Variants in PCDH11X observed in about 807,000 individuals in gnomAD.
PCDH11X encodes the protein protocadherin-11 X-linked.
Under a neutral mutation model 53.3 loss-of-function variants are expected in PCDH11X, and 18 were observed. The observed-to-expected ratio is 0.34, with a 90% CI of 0.23 to 0.50. The LOEUF (loss-of-function observed/expected upper bound fraction) is 0.50. PCDH11X is among the 20% of genes least tolerant of loss of function. PCDH11X has a pLI of 0.98. For missense variants in PCDH11X, 570 were observed against 1,032.4 expected (o/e 0.55, Z 6.14); for synonymous variants, 279 against 393.3 (o/e 0.71, Z 3.44).
chrX:91,869,904 G>A (rs1186828390), intron 5 of PCDH11X, among the ~76,000 whole-genome samples: 1 of 111,737 alleles, frequency 8.9e-6, no homozygotes, highest in Non-Finnish European at 1.9e-5. Context: ...GTGAGCACAA[G>A]CAAATGAAAC....
intron 8 of PCDH11X, among the ~76,000 whole-genome samples, chrX:92,332,772 G>C (rs1447415863): frequency 9.0e-6 from 1 of 111,664 alleles, no homozygotes; most frequent in Non-Finnish European, 1.9e-5. Context: ...GCAGTGCAGG[G>C]AACTGGTTGG....
At chrX:91,869,379 A>G (rs1306915865) in intron 5 of PCDH11X, among the ~76,000 whole-genome samples, 1 of 111,037 alleles carries the variant, frequency 9.0e-6, no homozygotes, top group Non-Finnish European at 1.9e-5. Context: ...TCATTGAACT[A>G]AAAACTAAGA....
In PCDH11X at chrX:92,216,856, G is replaced by A. The variant is rs1287249067; in HGVS notation, c.3114+15401G>A. On this transcript the variant is annotated intron_variant, in intron 7 of 10. Coordinates refer to ENST00000682573, the MANE Select transcript of PCDH11X (RefSeq NM_032968.5). ...CCATCAGACTAACAGCGGATCTCTC[G>A]GCAGAAACTCTACAAGCCAGAAGAG... 1.6e-4 allele frequency among the ~76,000 whole-genome samples: 17 copies of A among 105,346 alleles called. 1 individual carries two copies. Among genetic ancestry groups the A allele is most frequent in the South Asian group, 9.1e-4 (2 of 2,195 alleles). The allele number at this position is 105,346 out of a possible 115,157, so 91.5% of individuals were successfully genotyped here.
intron 4 of PCDH11X, among the ~76,000 whole-genome samples, chrX:91,824,959 T>A (rs188533977): frequency 9.2e-6 from 1 of 108,684 alleles, no homozygotes; most frequent in Non-Finnish European, 1.9e-5. Flanking sequence ...GTGCCCCTGC[T>A]GGGGGGTGCC....
At chrX:91,782,127 C>T (rs1220170856) in intron 1 of PCDH11X, among the ~76,000 whole-genome samples, 1 of 112,058 alleles carries the variant, frequency 8.9e-6, no homozygotes, top group Non-Finnish European at 1.9e-5. Flanking sequence ...GCTCCCTGCG[C>T]GCAGCCGCCC....
chrX:92,325,961 G>A (rs770058308), intron 8 of PCDH11X, among the ~76,000 whole-genome samples: 17 of 112,189 alleles, frequency 1.5e-4, no homozygotes, highest in African/African-American at 5.5e-4. Flanking sequence ...AACCTCTATA[G>A]CATGTTATCC....
intron 8 of PCDH11X, among the ~76,000 whole-genome samples, chrX:92,359,852 T>C (rs1013527819): frequency 2.8e-4 from 31 of 110,789 alleles, no homozygotes; most frequent in Non-Finnish European, 5.1e-4. Context: ...TAAGTGTCCC[T>C]TAAAACACAA....
At chrX:92,173,861 T>C (rs1207577751) in intron 6 of PCDH11X, among the ~76,000 whole-genome samples, 1 of 105,294 alleles carries the variant, frequency 9.5e-6, no homozygotes, top group African/African-American at 3.5e-5. Flanking sequence ...GGTGCACACC[T>C]GTAGTCCTAG....
At chrX:92,465,793 AT>A (rs202194491) in intron 9 of PCDH11X, among the ~76,000 whole-genome samples, 4 of 110,431 alleles carry the variant, frequency 3.6e-5, no homozygotes, top group African/African-American at 6.6e-5. Flanking sequence ...CAAAGAGGAG[AT>A]TTTTTTTCTT....
At chrX:91,890,334 A>G (rs1307077413) in intron 6 of PCDH11X, among the ~76,000 whole-genome samples, 1 of 111,488 alleles carries the variant, frequency 9.0e-6, no homozygotes, top group Non-Finnish European at 1.9e-5. Context: ...CCTCGTTTCT[A>G]AACTATAATC....
intron 10 of PCDH11X, among the ~76,000 whole-genome samples, chrX:92,607,582 C>G (rs1182288032): frequency 1.8e-5 from 2 of 111,540 alleles, no homozygotes; most frequent in Non-Finnish European, 3.8e-5. Flanking sequence ...CACTGAATTT[C>G]TCATGTTAAA....
At chrX:92,518,415 A>G (rs993471483) in intron 10 of PCDH11X, among the ~76,000 whole-genome samples, 1 of 111,989 alleles carries the variant, frequency 8.9e-6, no homozygotes, top group African/African-American at 3.2e-5. Context: ...TGAAGTATAT[A>G]TATACATACT....
intron 10 of PCDH11X, among the ~76,000 whole-genome samples, chrX:92,573,731 G>T (rs1922484205): frequency 9.2e-6 from 1 of 109,158 alleles, no homozygotes; most frequent in Non-Finnish European, 1.9e-5. Context: ...AGTTTTGTAA[G>T]ATCCTAATGT....
intron 9 of PCDH11X, among the ~76,000 whole-genome samples, chrX:92,420,087 C>T (rs944872508): frequency 6.3e-5 from 7 of 111,003 alleles, no homozygotes; most frequent in Non-Finnish European, 7.5e-5. Flanking sequence ...TTAGTGCTTG[C>T]GCTAGGCCTG....
chrX:92,361,774 T>C (rs2070351487), intron 8 of PCDH11X, among the ~76,000 whole-genome samples: 1 of 107,154 alleles, frequency 9.3e-6, no homozygotes, highest in Admixed American at 1.0e-4. Context: ...AGAGCTGTTT[T>C]CATGTTACAA....
intron 8 of PCDH11X, among the ~76,000 whole-genome samples, chrX:92,369,567 G>A (rs2070563129): frequency 9.0e-6 from 1 of 111,087 alleles, no homozygotes; most frequent in Non-Finnish European, 1.9e-5. Flanking sequence ...GTAGGAAAAA[G>A]ACTCTTGCAG....
At chrX:91,822,850 T>C (rs761817911) in intron 4 of PCDH11X, among the ~76,000 whole-genome samples, 1 of 111,809 alleles carries the variant, frequency 8.9e-6, no homozygotes, top group East Asian at 2.8e-4. Context: ...TTTGAATGCA[T>C]CCCAGAGATT....
At chrX:92,113,653 A>G in intron 6 of PCDH11X, 1 of 1,200,268 alleles carries the variant, frequency 8.3e-7, no homozygotes, top group Non-Finnish European at 1.1e-6. Context: ...GGTGATGGTC[A>G]GGGTTTCATA....
intron 4 of PCDH11X, among the ~76,000 whole-genome samples, chrX:91,825,675 C>A (rs1466042161): frequency 9.2e-6 from 1 of 108,631 alleles, no homozygotes; most frequent in East Asian, 2.9e-4. Flanking sequence ...CGGAGCTGTT[C>A]CTATTCGGCC....
Sources: allele counts gnomAD v4.1 joint callset (sites outside exome capture counted in the v4.1 genomes callset), GRCh38; gene constraint gnomAD v4.1.1; transcripts MANE v1.5; gene names NCBI Gene and HGNC (gene_info 2026-07-23, HGNC 2026-07-21).